Variants in NSUN2 observed in about 807,000 individuals in gnomAD.
The protein encoded by NSUN2 is RNA cytosine C(5)-methyltransferase NSUN2.
NSUN2 carries 63 observed loss-of-function variants against 92.7 expected under a neutral mutation model. The ratio of observed to expected loss-of-function variants is 0.68; its 90% confidence interval spans 0.56 to 0.84. NSUN2 has a LOEUF of 0.84. Ranked by LOEUF, NSUN2 falls within the 40% of genes least tolerant of loss-of-function variation. The pLI is 0.00. For missense variants in NSUN2, 989 were observed against 964.9 expected (o/e 1.02, Z -0.33); for synonymous variants, 356 against 348.3 (o/e 1.02, Z -0.25).
intron 9 of NSUN2, among the ~76,000 whole-genome samples, chr5:6,616,042 G>C (rs1376636531): frequency 6.6e-6 from 1 of 152,118 alleles, no homozygotes; most frequent in Non-Finnish European, 1.5e-5. Context: ...GTGCACTGGG[G>C]GTAGAAATAC....
At chr5:6,612,202 G>GC (rs1737020927) in intron 9 of NSUN2, among the ~76,000 whole-genome samples, 1 of 152,198 alleles carries the variant, frequency 6.6e-6, no homozygotes, top group Admixed American at 6.5e-5. Flanking sequence ...TGCCACAGAC[G>GC]CGAGACTAAC....
Position 6,632,559 on chromosome 5 carries a change from C to T in NSUN2, c.254+40G>A, listed in dbSNP as rs767894790. 4.4e-6 allele frequency: 7 copies of T among 1,608,354 alleles called. No individual in the cohort carries two copies. The East Asian group carries it at 8.9e-5, about 21-fold the overall frequency. On this transcript the variant is annotated intron_variant, in intron 2 of 18. Transcript: ENST00000264670. ...ACCGTCGCCTTTAACCTCCAGCATC[C>T]TGGCCCCAACTCCCAAAAAATCAGG...
At position 6,630,329 on chromosome 5, in the gene NSUN2, A is replaced by AGC. The variant is rs749350796; in HGVS notation, c.359+1543_359+1544insGC. Among the ~76,000 whole-genome samples, 13 of 152,160 alleles carry AGC rather than the reference A, an allele frequency of 8.5e-5. No individual in the cohort carries two copies. The East Asian group carries it at 2.1e-3, about 25-fold the overall frequency. ...CTATTCTTTTTTCCCTTTTTGAGACATGGTCTCGCTCTGTGGCCCAGGCTG... is the reference window on the plus strand; with the variant it reads ...CTATTCTTTTTTCCCTTTTTGAGACAGCTGGTCTCGCTCTGTGGCCCAGGCTG... On this transcript the variant is annotated intron_variant, in intron 3 of 18. Coordinates refer to ENST00000264670, the MANE Select transcript of NSUN2 (RefSeq NM_017755.6).
chr5:6,620,619 A>C (rs1448972593), intron 6 of NSUN2: 1 of 199,574 alleles, frequency 5.0e-6, no homozygotes, highest in East Asian at 1.2e-4. Context: ...ATGAGGAGAA[A>C]GGTGTAGAAA....
chr5:6,620,036 C>G, intron 7 of NSUN2, 70 bp downstream of exon 7: 1 of 1,311,896 alleles, frequency 7.6e-7, no homozygotes, highest in South Asian at 1.5e-5. Context: ...TCATGCACAA[C>G]TTCATTTTAG....
At chr5:6,628,149 A>G (rs1737728441) in intron 3 of NSUN2, among the ~76,000 whole-genome samples, 1 of 152,176 alleles carries the variant, frequency 6.6e-6, no homozygotes, top group Non-Finnish European at 1.5e-5. Context: ...GGAGTTCAAG[A>G]CTAGCCTGTC....
At chr5:6,604,907 A>C in intron 15 of NSUN2, 1 of 606,346 alleles carries the variant, frequency 1.6e-6, no homozygotes, top group Non-Finnish European at 2.9e-6. Context: ...CAAATGGCCA[A>C]ATTCTAAGGG....
intron 11 of NSUN2, 143 bp from the exon 12 acceptor site, chr5:6,610,065 A>ATTT: frequency 2.3e-4 from 88 of 376,966 alleles, no homozygotes; most frequent in Middle Eastern, 8.0e-4. Flanking sequence ...GTAAACTTAA[A>ATTT]TTTTTTTTTT....
At chr5:6,618,683 A>T (rs558766567) in intron 7 of NSUN2, among the ~76,000 whole-genome samples, 1 of 152,222 alleles carries the variant, frequency 6.6e-6, no homozygotes, top group Admixed American at 6.5e-5. Flanking sequence ...TTTTCTTACA[A>T]TCACCGTTAA....
rs8192119 is a variant in NSUN2, at chr5:6,632,052, C to T, written c.255-75G>A. ...ACATTGTATCTTCTTAAATTTAAGA[C>T]TGCAAGTGTTTTAAAACTAAAACCA... On this transcript the variant is annotated intron_variant, in intron 2 of 18. Coordinates refer to ENST00000264670, the MANE Select transcript of NSUN2 (RefSeq NM_017755.6). 1,867 of 1,226,304 alleles carry T rather than the reference C, an allele frequency of 1.5e-3. 24 individuals are homozygous for T. The African/African-American group carries it at 0.025, about 17-fold the overall frequency. 76.0% of individuals were successfully genotyped at this position (1,226,304 alleles called of 1,614,324 possible). A position where few individuals can be genotyped will look rare whatever the true frequency, so the allele number is the denominator to read the frequency against.
intron 3 of NSUN2, among the ~76,000 whole-genome samples, chr5:6,629,878 CAG>C (rs940655233): frequency 2.6e-5 from 4 of 152,184 alleles, no homozygotes; most frequent in Non-Finnish European, 4.4e-5. Flanking sequence ...CCACCCTGTG[CAG>C]AGAGATCTTC....
intron 4 of NSUN2, 48 bp downstream of exon 4, chr5:6,625,516 G>T: frequency 7.4e-7 from 1 of 1,344,232 alleles, no homozygotes. Context: ...CTACATCTAT[G>T]CATTTACAGC....
chr5:6,623,331 A>C, intron 4 of NSUN2, 46 bp from the exon 5 acceptor site: 2 of 1,529,846 alleles, frequency 1.3e-6, no homozygotes, highest in Non-Finnish European at 1.8e-6. Context: ...AAAAAAAAAA[A>C]ACCGCAGACA....
At chr5:6,605,169 G>C (rs531894374) in intron 15 of NSUN2, 104 bp downstream of exon 15, 11 of 1,467,068 alleles carry the variant, frequency 7.5e-6, no homozygotes, top group Middle Eastern at 2.2e-4. Flanking sequence ...CGCTACAGGT[G>C]GGGAGGGCAG....
chr5:6,611,289 A>G (rs1472484325), intron 10 of NSUN2, among the ~76,000 whole-genome samples: 1 of 152,208 alleles, frequency 6.6e-6, no homozygotes, highest in Non-Finnish European at 1.5e-5. Flanking sequence ...TGTTAAAAAC[A>G]AAGATGAAAT....
chr5:6,614,119 A>G lies in NSUN2; in HGVS notation c.1022-2321T>C, dbSNP rs1737116672. Reference sequence around the variant, plus strand: ...GGAAAAAAAAAAAAAAAAAAAAAAAAAAACCCACAACACACACATATAGAC... The same window carrying G: ...GGAAAAAAAAAAAAAAAAAAAAAAAGAAACCCACAACACACACATATAGAC... On this transcript the variant is annotated intron_variant, in intron 9 of 18. Transcript: ENST00000264670. 5.0e-5 allele frequency among the ~76,000 whole-genome samples: 2 copies of G among 39,996 alleles called. 1 individual carries two copies. The highest frequency in any genetic ancestry group is 2.2e-4 in the African/African-American group (2 of 9,246). The allele number at this position is 39,996 out of a possible 152,430, so 26.2% of individuals were successfully genotyped here.
At chr5:6,622,128 T>C (rs370163595) in intron 5 of NSUN2, 28 bp from the exon 6 acceptor site, 1 of 1,576,946 alleles carries the variant, frequency 6.3e-7, no homozygotes, top group Non-Finnish European at 8.7e-7. Flanking sequence ...AACTGTTTCA[T>C]GTTTTTAAAA....
At chr5:6,606,708 A>G (rs1736788157) in intron 14 of NSUN2, 112 bp downstream of exon 14, 1 of 562,750 alleles carries the variant, frequency 1.8e-6, no homozygotes, top group Non-Finnish European at 3.1e-6. Flanking sequence ...AAAAAAAAAA[A>G]AAAAGCTAGA....
rs1317230049 is a variant in NSUN2, at chr5:6,606,864, T to C, written c.1557A>G (p.Pro519=). The C allele has an allele frequency of 1.9e-6, 3 of 1,597,040 alleles. No homozygotes were observed. Among genetic ancestry groups the C allele is most frequent in the Non-Finnish European group, 2.6e-6 (3 of 1,164,922 alleles). The part of the protein sequence containing the change: ...KMKLFGFKED[P]FVFIPEDDPL... ...GGTCATCTTCAGGAATAAATACAAA[T>C]GGATCTTCTTTAAATCCAAATAACT... Residue 519 remains proline, a synonymous_variant, in exon 14 of 19, where the codon CCA becomes CCG. Transcript: ENST00000264670.
Sources: gnomAD v4.1 joint callset for allele counts (sites outside exome capture counted in the v4.1 genomes callset) on GRCh38, gnomAD v4.1.1 for gene constraint, MANE v1.5 for transcripts, NCBI Gene and HGNC (gene_info 2026-07-23, HGNC 2026-07-21) for gene names.